The following DOCK1 variants were observed in gnomAD, a reference collection of about 807,000 sequenced individuals.
DOCK1 encodes the protein dedicator of cytokinesis protein 1.
In DOCK1, 138 loss-of-function variants were observed where a neutral mutation model predicts 262.7. That is an observed-to-expected ratio of 0.53 (90% CI 0.46 to 0.61). The LOEUF is 0.61. DOCK1 is among the 20% of genes least tolerant of loss of function. The pLI, the probability that DOCK1 is intolerant of heterozygous loss-of-function variation, is 0.00. For missense variants in DOCK1, 1,908 were observed against 2,370.7 expected (o/e 0.80, Z 4.05); for synonymous variants, 866 against 867.4 (o/e 1.00, Z 0.03).
intron 40 of DOCK1, among the ~76,000 whole-genome samples, chr10:127,405,324 A>T (rs2067456245): frequency 6.6e-6 from 1 of 152,222 alleles, no homozygotes; most frequent in Non-Finnish European, 1.5e-5. Context: ...AGGAGAAGTT[A>T]CATAAATATT....
Position 127,390,772 on chromosome 10 carries a change from C to T in DOCK1, c.3927+5863C>T, listed in dbSNP as rs964500299. 6.6e-5 allele frequency among the ~76,000 whole-genome samples: 10 copies of T among 151,378 alleles called. 1 individual carries two copies. The South Asian group carries it at 1.0e-3, about 16-fold the overall frequency. ...GCAAACTAATACCAATACCAGGTGT[C>T]TCATTCATTTGTTTGTATAGATTTC... On this transcript the variant is annotated intron_variant, in intron 38 of 51. Transcript: ENST00000623213.
intron 29 of DOCK1, among the ~76,000 whole-genome samples, chr10:127,258,717 A>G (rs1324704903): frequency 6.6e-6 from 1 of 152,228 alleles, no homozygotes; most frequent in African/African-American, 2.4e-5. Flanking sequence ...GGAAACTGCC[A>G]ATCTATGGCT....
chr10:126,952,936 G>T (rs2036426846), intron 1 of DOCK1, among the ~76,000 whole-genome samples: 1 of 118,150 alleles, frequency 8.5e-6, no homozygotes, highest in Non-Finnish European at 1.7e-5. Context: ...TGGTAGTATT[G>T]TTGGTGATGG....
chr10:127,341,489 A>G (rs1316782584), intron 30 of DOCK1, among the ~76,000 whole-genome samples: 1 of 152,220 alleles, frequency 6.6e-6, no homozygotes, highest in South Asian at 2.1e-4. Context: ...ATAAATTTGG[A>G]GTAAGTTTAT....
chr10:127,216,597 A>G (rs2058225438), intron 27 of DOCK1, among the ~76,000 whole-genome samples: 1 of 152,152 alleles, frequency 6.6e-6, no homozygotes, highest in Non-Finnish European at 1.5e-5. Context: ...CCCCACTCTC[A>G]TATGTAGGCA....
chr10:127,248,172 C>A, intron 28 of DOCK1, 63 bp downstream of exon 28: 1 of 1,354,428 alleles, frequency 7.4e-7, no homozygotes, highest in Non-Finnish European at 1.0e-6. Flanking sequence ...TAGACAAAAG[C>A]CTGATATCAA....
rs2038043229 is a variant in DOCK1, at chr10:126,970,767, A to G, written c.112A>G (p.Ile38Val). The change falls in exon 2 of 52, where the codon ATC becomes GTC. Residue 38 changes from isoleucine (I) to valine (V), a missense_variant. Physicochemically the swap from Ile to Val is conservative, Grantham distance 29. Transcript: ENST00000623213. Reference sequence around the variant, plus strand: ...TTTACAGATCGGAGACACTGTGCACATCTTAGAAACATATGAAGGTGCGTA... The same window carrying G: ...TTTACAGATCGGAGACACTGTGCACGTCTTAGAAACATATGAAGGTGCGTA... ...LSLQIGDTVH[I>V]LETYEGWYRG... The G allele has an allele frequency of 6.2e-7, 1 of 1,613,306 alleles. No homozygotes were observed. Among genetic ancestry groups the G allele is most frequent in the Non-Finnish European group, 8.5e-7 (1 of 1,179,380 alleles).
chr10:126,940,434 G>T (rs900256938), intron 1 of DOCK1, among the ~76,000 whole-genome samples: 12,180 of 152,118 alleles, frequency 0.08, 589 homozygotes, highest in African/African-American at 0.13. Flanking sequence ...TGGAGACAGG[G>T]TCTCTGTCAC....
At chr10:126,928,509 G>A (rs2033943223) in intron 1 of DOCK1, among the ~76,000 whole-genome samples, 1 of 151,834 alleles carries the variant, frequency 6.6e-6, no homozygotes, top group Non-Finnish European at 1.5e-5. Flanking sequence ...GCTGTGTCCT[G>A]AGAGCTGTGT....
intron 49 of DOCK1, among the ~76,000 whole-genome samples, chr10:127,443,439 C>G (rs1051862149): frequency 6.6e-6 from 1 of 152,144 alleles, no homozygotes; most frequent in Non-Finnish European, 1.5e-5. Context: ...TTATATTGGA[C>G]TGTTTTAAGC....
chr10:127,411,002 G>A (rs2067814660), intron 43 of DOCK1, 78 bp downstream of exon 43: 5 of 1,454,098 alleles, frequency 3.4e-6, no homozygotes, highest in African/African-American at 1.4e-5. Context: ...CTGGAGAAGC[G>A]TGGCCTCAGA....
In DOCK1 at chr10:126,998,228, C is replaced by G. The variant is rs758095868; in HGVS notation, c.746C>G (p.Pro249Arg). 3.5e-5 allele frequency: 56 copies of G among 1,613,526 alleles called. No homozygotes were observed. The highest frequency in any genetic ancestry group is 4.2e-5 in the Non-Finnish European group (50 of 1,179,750). The change falls in exon 8 of 52, where the codon CCT (proline) becomes CGT (arginine). Residue 249 changes from proline to arginine, a missense_variant. Around this residue, in one of 9 missense-constraint regions of DOCK1, gnomAD observed 102 missense variants for 154.9 expected, o/e 0.66. Transcript: ENST00000623213. ...GAAGTCCTCATGTCTCTATATGACC[C>G]TGTGGAGTCCAAATTCATCAGGTGG... ...DAEVLMSLYDPVESKFISENY... is the reference protein window; with the variant it reads ...DAEVLMSLYDRVESKFISENY...
intron 1 of DOCK1, among the ~76,000 whole-genome samples, chr10:126,918,243 G>T (rs1431780073): frequency 6.6e-6 from 1 of 152,136 alleles, no homozygotes; most frequent in Non-Finnish European, 1.5e-5. Flanking sequence ...CTCCACTGAT[G>T]CCTGGGATTG....
At chr10:127,343,606 C>A in intron 30 of DOCK1, 40 bp from the exon 31 acceptor site, 1 of 1,454,466 alleles carries the variant, frequency 6.9e-7, no homozygotes, top group Non-Finnish European at 9.5e-7. Context: ...CTATATCAAG[C>A]TGTTCAACAA....
intron 2 of DOCK1, among the ~76,000 whole-genome samples, chr10:126,976,632 T>G (rs2038562785): frequency 1.3e-5 from 2 of 152,192 alleles, no homozygotes; most frequent in Non-Finnish European, 2.9e-5. Context: ...AACCCAGTAT[T>G]TGGTTATTCT....
intron 1 of DOCK1, among the ~76,000 whole-genome samples, chr10:126,922,873 G>A (rs1333837136): frequency 6.6e-6 from 1 of 152,208 alleles, no homozygotes; most frequent in Non-Finnish European, 1.5e-5. Flanking sequence ...CACTTTGGAA[G>A]GCTGAGGTGG....
intron 29 of DOCK1, among the ~76,000 whole-genome samples, chr10:127,306,041 G>A (rs1311670054): frequency 6.9e-6 from 1 of 145,660 alleles, no homozygotes; most frequent in East Asian, 2.0e-4. Context: ...TTGAGACGGA[G>A]TCTCGCTCTG....
Position 127,100,464 on chromosome 10 carries a change from CAG to C in DOCK1, c.2446-5766_2446-5765del, listed in dbSNP as rs952151057. Among the ~76,000 whole-genome samples, 56 of 152,254 alleles carry C rather than the reference CAG, an allele frequency of 3.7e-4. No homozygotes were observed. Among genetic ancestry groups the C allele is most frequent in the African/African-American group, 1.2e-3 (50 of 41,558 alleles). On this transcript the variant is annotated intron_variant, in intron 23 of 51. Transcript: ENST00000623213. The surrounding 1 kb of genome is among the most constrained non-coding windows in gnomAD (Gnocchi z 5.5). ...GAGGCAGCGGTGGCTTCCACCAAGG[CAG>C]GGGGAGTTTGCAATGTCTAGGGTCA...
chr10:126,992,105 G>C (rs988573515), intron 6 of DOCK1, among the ~76,000 whole-genome samples: 1 of 152,176 alleles, frequency 6.6e-6, no homozygotes, highest in Admixed American at 6.5e-5. Flanking sequence ...GTTTGGATTA[G>C]AAATGCTGTA....
Sources: gnomAD v4.1 joint callset for allele counts (sites outside exome capture counted in the v4.1 genomes callset) on GRCh38, gnomAD v4.1.1 for gene constraint, gnomAD v4.1.1 regional missense constraint, Gnocchi (gnomAD v3.1) non-coding constraint, MANE v1.5 for transcripts, NCBI Gene and HGNC (gene_info 2026-07-23, HGNC 2026-07-21) for gene names.